Variants in PAX5 observed in about 807,000 individuals in gnomAD.
The protein encoded by PAX5 is paired box protein Pax-5.
Under a neutral mutation model 43.7 loss-of-function variants are expected in PAX5, and 9 were observed. The observed-to-expected ratio is 0.21, with a 90% CI of 0.12 to 0.36. The LOEUF is 0.36. Ranked by LOEUF, PAX5 falls within the 10% of genes least tolerant of loss-of-function variation. The pLI is 1.00. For missense variants in PAX5, 383 were observed against 532.7 expected (o/e 0.72, Z 2.77); for synonymous variants, 228 against 214.3 (o/e 1.06, Z -0.56).
At chr9:36,988,122 C>T (rs576432884) in intron 5 of PAX5, among the ~76,000 whole-genome samples, 12 of 152,180 alleles carry the variant, frequency 7.9e-5, no homozygotes, top group African/African-American at 2.6e-4. Flanking sequence ...AACCGAGGCT[C>T]CGGAAGGGCA....
chr9:36,909,399 C>T (rs1465200904), intron 7 of PAX5, among the ~76,000 whole-genome samples: 1 of 152,212 alleles, frequency 6.6e-6, no homozygotes, highest in African/African-American at 2.4e-5. Context: ...CTATTCCAGG[C>T]CCTTCCCAGC....
At chr9:36,847,641 T>C (rs951501727) in intron 8 of PAX5, among the ~76,000 whole-genome samples, 14 of 152,284 alleles carry the variant, frequency 9.2e-5, no homozygotes, top group Non-Finnish European at 1.2e-4. Flanking sequence ...TGTTGGCAGC[T>C]GTGGGCGTGC....
intron 9 of PAX5, among the ~76,000 whole-genome samples, chr9:36,843,028 G>A (rs988036515): frequency 3.3e-5 from 5 of 152,228 alleles, no homozygotes; most frequent in South Asian, 4.2e-4. Flanking sequence ...GTGTATGTGC[G>A]TGTATGTGTG....
intron 4 of PAX5, among the ~76,000 whole-genome samples, chr9:37,003,276 G>A (rs989937275): frequency 2.6e-5 from 4 of 151,506 alleles, no homozygotes; most frequent in African/African-American, 4.9e-5. Flanking sequence ...TCACGCGCAC[G>A]GCTAACAAAC....
chr9:36,957,046 C>T (rs780032828), intron 6 of PAX5, among the ~76,000 whole-genome samples: 17 of 152,362 alleles, frequency 1.1e-4, no homozygotes, highest in Middle Eastern at 3.4e-3. Context: ...TCTTATAGCT[C>T]CCTGCCATGG....
At chr9:36,865,042 C>T (rs1294741559) in intron 8 of PAX5, among the ~76,000 whole-genome samples, 1 of 152,222 alleles carries the variant, frequency 6.6e-6, no homozygotes, top group African/African-American at 2.4e-5. Context: ...GCTGCGTTAA[C>T]GAGCAAATTA....
rs780176199 is a variant in PAX5 at position 37,002,732 on chromosome 9, A to G, written c.520T>C (p.Ser174Pro). 6.2e-7 allele frequency: 1 copy of G among 1,610,658 alleles called. No homozygotes were observed. Among genetic ancestry groups the G allele is most frequent in the East Asian group, 2.2e-5 (1 of 44,746 alleles). The change falls in exon 5 of 10, where the codon TCG becomes CCG. Residue 174 changes from serine (S) to proline (P), a missense_variant. Coordinates refer to ENST00000358127, the MANE Select transcript of PAX5 (RefSeq NM_016734.3). ...CTGATGGAGTACGACGAGCCGGCCG[A>G]ATCCGTGCTCACCGAGGACACCTGC... ...VTQVSSVSTDSAGSSYSISGI... is the reference protein window; with the variant it reads ...VTQVSSVSTDPAGSSYSISGI...
At chr9:36,847,978 T>G (rs1366023880) in intron 8 of PAX5, among the ~76,000 whole-genome samples, 1 of 152,174 alleles carries the variant, frequency 6.6e-6, no homozygotes, top group African/African-American at 2.4e-5. Context: ...CCCGGCAGAC[T>G]GTATTCAGTA....
chr9:36,971,674 G>T (rs1402465266), intron 5 of PAX5, among the ~76,000 whole-genome samples: 3 of 152,186 alleles, frequency 2.0e-5, no homozygotes, highest in Non-Finnish European at 4.4e-5. Context: ...CCAGTGCTGG[G>T]CTTAGTCAAC....
chr9:36,882,434 A>G lies in PAX5; in HGVS notation c.911-329T>C, dbSNP rs548999374. On this transcript the variant is annotated intron_variant, in intron 7 of 9. Transcript: ENST00000358127. This position sits in a 1 kb window ranked among gnomAD's most constrained non-coding sequence, Gnocchi z 4.4. ...GTGACAGCACGCCCCGACTCCAGCC[A>G]GCTCTCCCTACTCTCTACTCCCCAA... Among the ~76,000 whole-genome samples the G allele has an allele frequency of 9.9e-5, 15 of 152,240 alleles. No homozygotes were observed. Among genetic ancestry groups the G allele is most frequent in the African/African-American group, 3.6e-4 (15 of 41,538 alleles).
intron 7 of PAX5, among the ~76,000 whole-genome samples, chr9:36,889,283 G>A (rs76091816): frequency 0.063 from 9,580 of 152,234 alleles, 403 homozygotes; most frequent in South Asian, 0.16. Context: ...TTTTACAAAT[G>A]AGGAAATGAA....
intron 5 of PAX5, among the ~76,000 whole-genome samples, chr9:36,980,304 A>T (rs1835802620): frequency 6.6e-6 from 1 of 152,238 alleles, no homozygotes; most frequent in Non-Finnish European, 1.5e-5. Context: ...GAGCTGGCAG[A>T]GTCTGCAAAC....
intron 7 of PAX5, among the ~76,000 whole-genome samples, chr9:36,895,794 C>T (rs1231180408): frequency 6.6e-6 from 1 of 152,166 alleles, no homozygotes; most frequent in Non-Finnish European, 1.5e-5. Flanking sequence ...GTGCTCTTAA[C>T]CACCAAGTTC....
intron 8 of PAX5, among the ~76,000 whole-genome samples, chr9:36,880,161 T>C (rs1826275583): frequency 1.3e-5 from 2 of 152,270 alleles, no homozygotes; most frequent in Admixed American, 1.3e-4. Flanking sequence ...CTGGGCGTTC[T>C]GTGCCAGGAT....
chr9:36,850,388 T>A (rs111698833), intron 8 of PAX5, among the ~76,000 whole-genome samples: 2 of 152,250 alleles, frequency 1.3e-5, no homozygotes, highest in African/African-American at 4.8e-5. Flanking sequence ...AGCAGTGGCA[T>A]CCTTAGGCAC....
At chr9:36,894,194 G>A (rs1413953939) in intron 7 of PAX5, among the ~76,000 whole-genome samples, 1 of 152,148 alleles carries the variant, frequency 6.6e-6, no homozygotes, top group Non-Finnish European at 1.5e-5. Context: ...GGGCTGGTCC[G>A]AAACTTGGCG....
intron 6 of PAX5, among the ~76,000 whole-genome samples, chr9:36,958,526 A>G (rs1833688923): frequency 6.6e-6 from 1 of 152,086 alleles, no homozygotes; most frequent in Admixed American, 6.6e-5. Context: ...GCCGTGCATG[A>G]TGGGGCCACA....
At chr9:36,933,197 TA>T in intron 6 of PAX5, among the ~76,000 whole-genome samples, 1 of 143,146 alleles carries the variant, frequency 7.0e-6, no homozygotes, top group African/African-American at 2.6e-5. Context: ...TTAAAATAAA[TA>T]AAGTTAAACC....
At chr9:36,983,728 C>A in intron 5 of PAX5, among the ~76,000 whole-genome samples, 1 of 152,194 alleles carries the variant, frequency 6.6e-6, no homozygotes, top group Non-Finnish European at 1.5e-5. Context: ...CCCCTCTCGG[C>A]CTCCCAAAGT....
Sources: allele counts gnomAD v4.1 joint callset (sites outside exome capture counted in the v4.1 genomes callset), GRCh38; gene constraint gnomAD v4.1.1; non-coding constraint Gnocchi (gnomAD v3.1); transcripts MANE v1.5; gene names NCBI Gene and HGNC (gene_info 2026-07-23, HGNC 2026-07-21).